The following QKI variants were observed in gnomAD, a reference collection of about 807,000 sequenced individuals.
QKI encodes the protein QKI, KH domain containing RNA binding.
Under a neutral mutation model 39.0 loss-of-function variants are expected in QKI, and 10 were observed. The ratio of observed to expected loss-of-function variants is 0.26; its 90% confidence interval spans 0.16 to 0.43. QKI has a LOEUF of 0.43. QKI is among the 20% of genes least tolerant of loss of function. The probability of loss-of-function intolerance (pLI) is 1.00; values close to 1 mark genes in which losing one functional copy is unlikely to be tolerated. For synonymous variants in QKI, 204 were observed against 155.4 expected, an observed-to-expected ratio of 1.31 and a Z score of -2.33; for missense variants, 218 against 428.0, an observed-to-expected ratio of 0.51 and a Z score of 4.33.
intron 2 of QKI, among the ~76,000 whole-genome samples, chr6:163,462,309 C>G (rs1255941827): frequency 6.6e-6 from 1 of 152,128 alleles, no homozygotes; most frequent in Non-Finnish European, 1.5e-5. Context: ...AGGTAGCTTA[C>G]AAATAAATTG....
intron 4 of QKI, among the ~76,000 whole-genome samples, chr6:163,543,399 A>G (rs1334368982): frequency 3.3e-5 from 5 of 152,018 alleles, no homozygotes; most frequent in Non-Finnish European, 7.4e-5. Context: ...ACTGATTTCT[A>G]CCTTGCAGAG....
chr6:163,572,803 C>G lies in QKI; in HGVS notation c.*2093C>G, dbSNP rs997088241. 1 of 151,936 alleles carries G rather than the reference C, an allele frequency of 6.6e-6. No homozygotes were observed. Among genetic ancestry groups the G allele is most frequent in the South Asian group, 2.1e-4 (1 of 4,828 alleles). 9.4% of individuals were successfully genotyped at this position (151,936 alleles called of 1,614,324 possible). ...CCACCATCTTGTCTCACTTGGAAAC[C>G]GTTGTCAGTTTATTTACTATGCAAT... On this transcript the variant is annotated 3_prime_UTR_variant, in exon 8 of 8. Coordinates refer to ENST00000361752, the MANE Select transcript of QKI (RefSeq NM_006775.3).
chr6:163,446,607 A>G (rs1265119022), intron 1 of QKI, among the ~76,000 whole-genome samples: 1 of 152,210 alleles, frequency 6.6e-6, no homozygotes. Flanking sequence ...TGAGTATCCT[A>G]AGAAACGACA....
At chr6:163,482,199 A>G (rs534859650) in intron 3 of QKI, among the ~76,000 whole-genome samples, 37 of 152,206 alleles carry the variant, frequency 2.4e-4, no homozygotes, top group African/African-American at 8.7e-4. Context: ...GAAAAAAGAA[A>G]AAGAAACTGA....
At chr6:163,529,428 G>C (rs572037298) in intron 3 of QKI, among the ~76,000 whole-genome samples, 35 of 152,250 alleles carry the variant, frequency 2.3e-4, no homozygotes, top group African/African-American at 7.9e-4. Context: ...ACTGTCAAGA[G>C]TATGAAAATC....
intron 5 of QKI, among the ~76,000 whole-genome samples, chr6:163,562,306 T>C (rs978897385): frequency 1.3e-5 from 2 of 152,238 alleles, no homozygotes; most frequent in Non-Finnish European, 2.9e-5. Context: ...TACATTATTT[T>C]AACAAAATCA....
At chr6:163,499,369 C>T (rs745602223) in intron 3 of QKI, among the ~76,000 whole-genome samples, 70 of 152,060 alleles carry the variant, frequency 4.6e-4, no homozygotes, top group East Asian at 1.7e-3. Flanking sequence ...GTTTTTTTGA[C>T]GATAAAGAGA....
chr6:163,492,685 G>A (rs1282450949), intron 3 of QKI, among the ~76,000 whole-genome samples: 1 of 152,006 alleles, frequency 6.6e-6, no homozygotes, highest in Non-Finnish European at 1.5e-5. Flanking sequence ...AAGAAAATTT[G>A]GAGTAATTTT....
intron 3 of QKI, among the ~76,000 whole-genome samples, chr6:163,485,129 T>G (rs1777569617): frequency 6.6e-6 from 1 of 152,244 alleles, no homozygotes; most frequent in African/African-American, 2.4e-5. Flanking sequence ...CTAGAGGATT[T>G]AATCCCATGT....
At position 163,415,089 on chromosome 6, in the gene QKI, CGCCGGGTCCCGAGCGGCCCGCG is replaced by C; in HGVS notation, c.-98_-77del. ...GAGCGGGAGCCGGCGCGGAGCGGGA[CGCCGGGTCCCGAGCGGCCCGCG>C]GCCGGGGCTCGCCCCCGCCCCTCCC... On this transcript the variant is annotated 5_prime_UTR_variant, in exon 1 of 8. Coordinates refer to ENST00000361752, the MANE Select transcript of QKI (RefSeq NM_006775.3). The C allele has an allele frequency of 1.0e-6, 1 of 991,596 alleles. No individual in the cohort carries two copies. The highest frequency in any genetic ancestry group is 1.8e-5 in the African/African-American group (1 of 55,880). 61.4% of individuals were successfully genotyped at this position (991,596 alleles called of 1,614,324 possible). A position where few individuals can be genotyped will look rare whatever the true frequency, so the allele number is the denominator to read the frequency against.
chr6:163,466,846 AAC>A (rs1246528728), intron 2 of QKI, among the ~76,000 whole-genome samples: 1 of 152,172 alleles, frequency 6.6e-6, no homozygotes, highest in Non-Finnish European at 1.5e-5. Flanking sequence ...ACACCCAAAA[AAC>A]ACAAGCAACA....
chr6:163,570,545 A>G, intron 7 of QKI, 149 bp from the exon 8 acceptor site: 1 of 1,440,996 alleles, frequency 6.9e-7, no homozygotes, highest in Non-Finnish European at 9.1e-7. Context: ...GGTGTCAATC[A>G]GTTTGTCAGA....
In QKI at chr6:163,575,052, C is replaced by T. The variant is rs547859157; in HGVS notation, c.*4342C>T. 1.3e-5 allele frequency: 2 copies of T among 152,078 alleles called. No homozygotes were observed. The highest frequency in any genetic ancestry group is 4.8e-5 in the African/African-American group (2 of 41,392). 9.4% of individuals were successfully genotyped at this position (152,078 alleles called of 1,614,324 possible). A position where few individuals can be genotyped will look rare whatever the true frequency, so the allele number is the denominator to read the frequency against. On this transcript the variant is annotated 3_prime_UTR_variant, in exon 8 of 8. Transcript: ENST00000361752. ...GGTCATTTGGATCATGTAAACAAAC[C>T]GTGTCATGTCTCTGATGGGAGCGGT...
chr6:163,480,371 C>T (rs1386871504), intron 3 of QKI, among the ~76,000 whole-genome samples: 2 of 151,984 alleles, frequency 1.3e-5, no homozygotes, highest in Non-Finnish European at 2.9e-5. Context: ...TACGCTGAAT[C>T]GCTTTGTGGA....
intron 2 of QKI, among the ~76,000 whole-genome samples, chr6:163,476,399 C>T (rs1562469791): frequency 1.3e-5 from 2 of 151,426 alleles, no homozygotes; most frequent in African/African-American, 4.9e-5. Flanking sequence ...CTTCTTGAAC[C>T]TTTGGTGAAC....
chr6:163,439,954 A>G (rs1421011502), intron 1 of QKI, among the ~76,000 whole-genome samples: 3 of 152,234 alleles, frequency 2.0e-5, no homozygotes, highest in East Asian at 3.9e-4. Flanking sequence ...CTGGCCTAGA[A>G]TAATCTTAGA....
chr6:163,466,911 G>A (rs540666654), intron 2 of QKI, among the ~76,000 whole-genome samples: 1 of 151,670 alleles, frequency 6.6e-6, no homozygotes, highest in Admixed American at 6.6e-5. Flanking sequence ...GCACAGCAAA[G>A]AAACAATCAA....
intron 1 of QKI, among the ~76,000 whole-genome samples, chr6:163,445,842 C>T (rs1306890531): frequency 1.3e-5 from 2 of 152,174 alleles, no homozygotes; most frequent in African/African-American, 4.8e-5. Flanking sequence ...TCTCGATCTC[C>T]TGACCTCCTC....
chr6:163,561,804 A>C (rs1420236562), intron 4 of QKI, among the ~76,000 whole-genome samples, 178 bp from the exon 5 acceptor site: 3 of 152,190 alleles, frequency 2.0e-5, no homozygotes, highest in Non-Finnish European at 4.4e-5. Context: ...TTTACTGAGA[A>C]AACAGAGAAA....
Sources: gnomAD v4.1 joint callset for allele counts (sites outside exome capture counted in the v4.1 genomes callset) on GRCh38, gnomAD v4.1.1 for gene constraint, MANE v1.5 for transcripts, NCBI Gene and HGNC (gene_info 2026-07-23, HGNC 2026-07-21) for gene names.